THOC1: variants seen among roughly 807,000 people sequenced by gnomAD.
The protein encoded by THOC1 is THO complex subunit 1, also known as THO complex 1.
THOC1 carries 29 observed loss-of-function variants against 97.3 expected under a neutral mutation model. That is an observed-to-expected ratio of 0.30 (90% CI 0.22 to 0.41). The LOEUF (loss-of-function observed/expected upper bound fraction) is 0.41. Among genes scored for constraint, THOC1 ranks in the 10% least tolerant of loss-of-function variants. The pLI, the probability that THOC1 is intolerant of heterozygous loss-of-function variation, is 1.00. For missense variants in THOC1, 529 were observed against 761.9 expected (o/e 0.69, Z 3.60); for synonymous variants, 255 against 257.0 (o/e 0.99, Z 0.07).
intron 11 of THOC1, among the ~76,000 whole-genome samples, chr18:238,367 A>T (rs771481779): frequency 6.6e-6 from 1 of 152,224 alleles, no homozygotes; most frequent in Non-Finnish European, 1.5e-5. Flanking sequence ...CTCAAATTAA[A>T]AAGTTTTAAG....
intron 11 of THOC1, among the ~76,000 whole-genome samples, chr18:239,755 TTA>T (rs1385729285): frequency 6.6e-6 from 1 of 152,242 alleles, no homozygotes; most frequent in East Asian, 1.9e-4. Flanking sequence ...AATACTGTTA[TTA>T]AACACTGATC....
intron 7 of THOC1, among the ~76,000 whole-genome samples, chr18:258,905 C>T (rs1377891876): frequency 1.3e-5 from 2 of 152,112 alleles, no homozygotes; most frequent in South Asian, 2.1e-4. Flanking sequence ...TTATGAAATA[C>T]GGATATGATG....
At chr18:248,844 G>A (rs558790274) in intron 9 of THOC1, among the ~76,000 whole-genome samples, 4 of 152,006 alleles carry the variant, frequency 2.6e-5, no homozygotes, top group South Asian at 2.1e-4. Context: ...TCCGCCTCCC[G>A]GGTTCAAGCG....
At chr18:238,155 T>C (rs1008981956) in intron 11 of THOC1, among the ~76,000 whole-genome samples, 2 of 152,140 alleles carry the variant, frequency 1.3e-5, no homozygotes, top group Non-Finnish European at 2.9e-5. Context: ...TGTGAGCCAC[T>C]GCACCCAGCT....
At chr18:259,824 C>T in intron 5 of THOC1, 94 bp from the exon 6 acceptor site, 1 of 859,052 alleles carries the variant, frequency 1.2e-6, no homozygotes, top group Non-Finnish European at 1.8e-6. Flanking sequence ...AGAACACTAA[C>T]ATGCACTGAG....
chr18:239,647 T>G (rs1455308497), intron 11 of THOC1, among the ~76,000 whole-genome samples: 1 of 152,212 alleles, frequency 6.6e-6, no homozygotes, highest in African/African-American at 2.4e-5. Context: ...GACTATACCT[T>G]AACATGTTTG....
chr18:231,574 T>C (rs1911486356), intron 11 of THOC1, among the ~76,000 whole-genome samples: 1 of 152,174 alleles, frequency 6.6e-6, no homozygotes, highest in Non-Finnish European at 1.5e-5. Context: ...CAAAAAGGTA[T>C]AGTTAAGTAA....
At chr18:253,134 T>C (rs2143274883) in intron 8 of THOC1, among the ~76,000 whole-genome samples, 1 of 152,296 alleles carries the variant, frequency 6.6e-6, no homozygotes, top group African/African-American at 2.4e-5. Flanking sequence ...GGTGAGGCTG[T>C]GGGGAAAAAG....
intron 7 of THOC1, among the ~76,000 whole-genome samples, chr18:257,153 A>C (rs1912462155): frequency 6.6e-6 from 1 of 152,198 alleles, no homozygotes; most frequent in African/African-American, 2.4e-5. Context: ...CTTTATTGCA[A>C]TATTCACTGT....
chr18:240,505 C>T (rs1394693338), intron 11 of THOC1, among the ~76,000 whole-genome samples: 2 of 152,194 alleles, frequency 1.3e-5, no homozygotes, highest in African/African-American at 2.4e-5. Flanking sequence ...TCATGCTTTC[C>T]GCCCTGAAGA....
Position 259,994 on chromosome 18 carries a change from T to C in THOC1, c.375+192A>G, listed in dbSNP as rs575734878. The C allele has an allele frequency of 5.7e-6, 3 of 522,436 alleles. No individual in the cohort carries two copies. In the African/African-American group the frequency reaches 6.0e-5, roughly 10 times the overall value. The allele number at this position is 522,436 out of a possible 1,614,324, so 32.4% of individuals were successfully genotyped here. A position where few individuals can be genotyped will look rare whatever the true frequency, so the allele number is the denominator to read the frequency against. On this transcript the variant is annotated intron_variant, in intron 5 of 20. Coordinates refer to ENST00000261600, the MANE Select transcript of THOC1 (RefSeq NM_005131.3). ...TTATTACACAAATTAAATCAAATTT[T>C]GTATTTCAAGTTTTTCTCCACACAT...
chr18:232,505 T>G (rs1911520654), intron 11 of THOC1, among the ~76,000 whole-genome samples: 1 of 151,550 alleles, frequency 6.6e-6, no homozygotes, highest in Non-Finnish European at 1.5e-5. Flanking sequence ...TATCACCCAG[T>G]CTTCTGCTTG....
At chr18:216,169 G>A in intron 19 of THOC1, 1 of 224,436 alleles carries the variant, frequency 4.5e-6, no homozygotes, top group Non-Finnish European at 8.8e-6. Flanking sequence ...GGCCAGGATG[G>A]TCTCAATCTC....
At chr18:251,447 C>T (rs1332881744) in intron 9 of THOC1, among the ~76,000 whole-genome samples, 2 of 152,172 alleles carry the variant, frequency 1.3e-5, no homozygotes, top group East Asian at 3.8e-4. Context: ...GGAAAATTTT[C>T]CTTAATGCCT....
chr18:267,793 G>A (rs867847202), intron 1 of THOC1, among the ~76,000 whole-genome samples, 173 bp downstream of exon 1: 1 of 152,162 alleles, frequency 6.6e-6, no homozygotes, highest in Admixed American at 6.5e-5. Flanking sequence ...ACAAAGAAGA[G>A]GCGGGTAGTG....
chr18:231,895 A>G (rs1027447121), intron 11 of THOC1, among the ~76,000 whole-genome samples: 2 of 152,202 alleles, frequency 1.3e-5, no homozygotes, highest in East Asian at 1.9e-4. Flanking sequence ...ATACAACACT[A>G]TGTTTGAAAT....
chr18:266,394 T>G (rs967451527), intron 1 of THOC1, among the ~76,000 whole-genome samples: 4 of 152,156 alleles, frequency 2.6e-5, no homozygotes, highest in Admixed American at 1.3e-4. Context: ...GCAGCTACAG[T>G]GGCATCACCT....
At chr18:244,473 A>G (rs1330267570) in intron 11 of THOC1, 1 of 152,194 alleles carries the variant, frequency 6.6e-6, no homozygotes, top group East Asian at 1.9e-4. Context: ...AACTCGGTAT[A>G]AAATTCTAGA....
intron 11 of THOC1, 62 bp downstream of exon 11, chr18:246,262 G>A: frequency 7.8e-7 from 1 of 1,279,720 alleles, no homozygotes; most frequent in African/African-American, 1.5e-5. Context: ...AAGGCTGTCA[G>A]CTAAACGGAA....
Sources: allele counts gnomAD v4.1 joint callset (sites outside exome capture counted in the v4.1 genomes callset), GRCh38; gene constraint gnomAD v4.1.1; transcripts MANE v1.5; gene names NCBI Gene and HGNC (gene_info 2026-07-23, HGNC 2026-07-21).